The following WSCD2 variants were observed in gnomAD, a reference collection of about 807,000 sequenced individuals.
WSCD2 encodes the protein sialate:O-sulfotransferase 2.
A neutral mutation model predicts 55.7 loss-of-function variants in WSCD2; 28 were observed. That is an observed-to-expected ratio of 0.50 (90% CI 0.37 to 0.69). WSCD2 has a LOEUF of 0.69. Ranked by LOEUF, WSCD2 falls within the 30% of genes least tolerant of loss-of-function variation. The probability of loss-of-function intolerance (pLI) is 0.00; values close to 1 mark genes in which losing one functional copy is unlikely to be tolerated. For synonymous variants in WSCD2, 301 were observed against 301.9 expected (o/e 1.00, Z 0.03); for missense variants, 616 against 762.1 (o/e 0.81, Z 2.26).
At chr12:108,133,349 C>T (rs950033502) in intron 1 of WSCD2, among the ~76,000 whole-genome samples, 11 of 152,048 alleles carry the variant, frequency 7.2e-5, no homozygotes, top group African/African-American at 2.7e-4. Context: ...TGGTGTTGTA[C>T]TGTATCTTTT....
rs532522287 is a variant in WSCD2, at chr12:108,195,906, T to C, written c.74T>C (p.Leu25Pro). 1.2e-6 allele frequency: 2 copies of C among 1,614,178 alleles called. No individual in the cohort carries two copies. Among genetic ancestry groups the C allele is most frequent in the South Asian group, 2.2e-5 (2 of 91,076 alleles). ...KPVRFFTFLA[L>P]YLTAGSLVFL... The stretch of plus-strand genomic sequence containing the variant: ...GTGCGCTTCTTTACCTTCCTGGCAC[T>C]CTACCTGACTGCTGGGAGCCTTGTC... The change falls in exon 2 of 9, where the codon CTC becomes CCC. Residue 25 changes from leucine to proline, a missense_variant. This residue lies in a region of WSCD2 where 374 missense variants were observed against 467.4 expected (regional missense o/e 0.80). Transcript: ENST00000547525.
intron 2 of WSCD2, among the ~76,000 whole-genome samples, chr12:108,199,559 A>G (rs1288543392): frequency 1.3e-5 from 2 of 152,222 alleles, no homozygotes; most frequent in Non-Finnish European, 2.9e-5. Flanking sequence ...CCTTTCTGAC[A>G]TGCCATTTCC....
chr12:108,131,148 G>C (rs979886571), intron 1 of WSCD2, among the ~76,000 whole-genome samples: 1 of 152,160 alleles, frequency 6.6e-6, no homozygotes, highest in Non-Finnish European at 1.5e-5. Flanking sequence ...CCTCCAGGGC[G>C]TCAGAATCTG....
intron 1 of WSCD2, among the ~76,000 whole-genome samples, chr12:108,167,939 A>G (rs766306938): frequency 5.3e-5 from 8 of 152,204 alleles, no homozygotes; most frequent in Non-Finnish European, 1.0e-4. Context: ...CATCAATGCT[A>G]GAAGAGGGTG....
In WSCD2 at chr12:108,206,783, G is replaced by A. The variant is rs115918879; in HGVS notation, c.497+380G>A. Reference sequence around the variant, plus strand: ...GTGAATATGTGTGCAAGGGCTGAGAGTTGTGCTTGTGTGTGTAGGTGTCTG... The same window carrying A: ...GTGAATATGTGTGCAAGGGCTGAGAATTGTGCTTGTGTGTGTAGGTGTCTG... On this transcript the variant is annotated intron_variant, in intron 3 of 8. Transcript: ENST00000547525. 5.8e-3 allele frequency among the ~76,000 whole-genome samples: 885 copies of A among 152,358 alleles called. 5 individuals carry two copies. Among genetic ancestry groups the A allele is most frequent in the African/African-American group, 0.02 (850 of 41,576 alleles).
At chr12:108,245,492 G>C (rs539991257) in intron 8 of WSCD2, among the ~76,000 whole-genome samples, 16 of 152,282 alleles carry the variant, frequency 1.1e-4, no homozygotes, top group Non-Finnish European at 1.6e-4. Flanking sequence ...ATCTAAGACT[G>C]GGATACCTGG....
chr12:108,136,770 C>T (rs930643880), intron 1 of WSCD2, among the ~76,000 whole-genome samples: 4 of 150,528 alleles, frequency 2.7e-5, no homozygotes, highest in African/African-American at 1.0e-4. Flanking sequence ...CTGTCTTTCC[C>T]AGGTGGGGGT....
chr12:108,243,679 G>A (rs1467116057), intron 8 of WSCD2, among the ~76,000 whole-genome samples: 3 of 152,188 alleles, frequency 2.0e-5, no homozygotes, highest in Non-Finnish European at 4.4e-5. Context: ...GCAAGCAAAT[G>A]TCAGGCCCTA....
intron 1 of WSCD2, among the ~76,000 whole-genome samples, chr12:108,173,506 A>T (rs897529142): frequency 2.8e-5 from 4 of 145,014 alleles, no homozygotes; most frequent in Non-Finnish European, 6.0e-5. Context: ...CCTTCATCCT[A>T]TCCCTTGGTC....
At chr12:108,167,066 C>A (rs894003653) in intron 1 of WSCD2, among the ~76,000 whole-genome samples, 3 of 152,056 alleles carry the variant, frequency 2.0e-5, no homozygotes, top group African/African-American at 4.8e-5. Flanking sequence ...CCCACCTCGG[C>A]CTCCCAAAGT....
At chr12:108,139,800 A>C (rs192055789) in intron 1 of WSCD2, among the ~76,000 whole-genome samples, 63 of 152,352 alleles carry the variant, frequency 4.1e-4, no homozygotes, top group African/African-American at 1.5e-3. Context: ...GAAATGTCAG[A>C]ATGGGACATG....
intron 3 of WSCD2, among the ~76,000 whole-genome samples, chr12:108,209,630 T>G (rs1885862413): frequency 6.6e-6 from 1 of 151,886 alleles, no homozygotes; most frequent in Non-Finnish European, 1.5e-5. Flanking sequence ...GGTCTCTATG[T>G]CCTCTAGGGG....
intron 4 of WSCD2, among the ~76,000 whole-genome samples, chr12:108,216,060 T>C (rs1247237575): frequency 6.6e-6 from 1 of 152,124 alleles, no homozygotes; most frequent in Non-Finnish European, 1.5e-5. Context: ...TTCTGGAAAA[T>C]TCAGGTAGCT....
intron 4 of WSCD2, among the ~76,000 whole-genome samples, chr12:108,224,299 A>T (rs192747408): frequency 2.5e-4 from 38 of 152,242 alleles, no homozygotes. Flanking sequence ...AGTAGTGAGT[A>T]AGGACAGGAC....
chr12:108,219,242 G>A (rs902625698), intron 4 of WSCD2, among the ~76,000 whole-genome samples: 1 of 152,204 alleles, frequency 6.6e-6, no homozygotes, highest in Non-Finnish European at 1.5e-5. Context: ...ATCTACAGAA[G>A]TGCAAAGTCA....
At chr12:108,148,352 C>A (rs528529133) in intron 1 of WSCD2, among the ~76,000 whole-genome samples, 5 of 152,290 alleles carry the variant, frequency 3.3e-5, no homozygotes, top group African/African-American at 9.6e-5. Context: ...GCCAATGTAG[C>A]CCCAGTACCT....
At chr12:108,196,640 AT>A (rs952488424) in intron 2 of WSCD2, among the ~76,000 whole-genome samples, 3 of 152,186 alleles carry the variant, frequency 2.0e-5, no homozygotes, top group Admixed American at 2.0e-4. Context: ...ATTTATTCCC[AT>A]TTTAAAGATG....
At chr12:108,224,211 T>C (rs1438499991) in intron 4 of WSCD2, among the ~76,000 whole-genome samples, 1 of 152,134 alleles carries the variant, frequency 6.6e-6, no homozygotes, top group East Asian at 1.9e-4. Flanking sequence ...TGCCCAATAC[T>C]GGGTAGGTAG....
chr12:108,244,186 C>T (rs147738381), intron 8 of WSCD2, among the ~76,000 whole-genome samples: 53 of 152,338 alleles, frequency 3.5e-4, no homozygotes, highest in Middle Eastern at 3.4e-3. Context: ...AACCAGAACT[C>T]ATTACCAATG....
Sources: gnomAD v4.1 joint callset for allele counts (sites outside exome capture counted in the v4.1 genomes callset) on GRCh38, gnomAD v4.1.1 for gene constraint, gnomAD v4.1.1 regional missense constraint, MANE v1.5 for transcripts, NCBI Gene and HGNC (gene_info 2026-07-23, HGNC 2026-07-21) for gene names.